Variants in CFAP47 observed in about 807,000 individuals in gnomAD.
CFAP47 encodes the protein cilia- and flagella-associated protein 47.
Under a neutral mutation model 148.1 loss-of-function variants are expected in CFAP47, and 29 were observed. The ratio of observed to expected loss-of-function variants is 0.20; its 90% CI spans 0.15 to 0.27. The LOEUF (loss-of-function observed/expected upper bound fraction) is 0.27. CFAP47 is among the 10% of genes least tolerant of loss of function. The pLI is 1.00. For synonymous variants in CFAP47, 664 were observed against 577.3 expected (o/e 1.15, Z -2.15); for missense variants, 1,872 against 1,697.5 (o/e 1.10, Z -1.81).
At chrX:36,221,373 T>C (rs1484898689) in intron 45 of CFAP47, among the ~76,000 whole-genome samples, 1 of 111,200 alleles carries the variant, frequency 9.0e-6, no homozygotes, top group Non-Finnish European at 1.9e-5. Flanking sequence ...TTTGGGGCAA[T>C]GAAAAGTATA....
At chrX:35,976,748 C>T (rs749570288) in intron 15 of CFAP47, among the ~76,000 whole-genome samples, 18 of 111,817 alleles carry the variant, frequency 1.6e-4, no homozygotes, top group Non-Finnish European at 3.2e-4. Context: ...CTAGAAATTA[C>T]TTATAGCCAA....
chrX:35,922,097 C>G (rs1482668763), intron 1 of CFAP47, among the ~76,000 whole-genome samples: 1 of 110,862 alleles, frequency 9.0e-6, no homozygotes, highest in Non-Finnish European at 1.9e-5. Context: ...TGTGTGGCCT[C>G]TGGTCTGGTC....
intron 21 of CFAP47, among the ~76,000 whole-genome samples, chrX:36,009,547 AT>A (rs1482079989): frequency 8.9e-6 from 1 of 112,292 alleles, no homozygotes; most frequent in East Asian, 2.8e-4. Context: ...CACTGCAGAA[AT>A]AGATTATCAT....
At chrX:36,321,517 T>G (rs1165164986) in intron 57 of CFAP47, among the ~76,000 whole-genome samples, 1 of 111,636 alleles carries the variant, frequency 9.0e-6, no homozygotes, top group Non-Finnish European at 1.9e-5. Context: ...TAAAAATAAC[T>G]GAAAGGGTAT....
At chrX:36,004,332 G>T (rs980788077) in intron 21 of CFAP47, among the ~76,000 whole-genome samples, 1 of 110,848 alleles carries the variant, frequency 9.0e-6, no homozygotes, top group South Asian at 3.8e-4. Context: ...AAATCAGGAA[G>T]GCAATTTAAT....
chrX:36,089,381 A>T (rs952621436), intron 30 of CFAP47, among the ~76,000 whole-genome samples: 1 of 111,893 alleles, frequency 8.9e-6, no homozygotes, highest in Non-Finnish European at 1.9e-5. Context: ...AAAAATAAAA[A>T]AAAGGAAAAA....
At chrX:35,934,508 A>G (rs1219874398) in intron 2 of CFAP47, among the ~76,000 whole-genome samples, 1 of 109,946 alleles carries the variant, frequency 9.1e-6, no homozygotes, top group Non-Finnish European at 1.9e-5. Context: ...CCAAGAGTTA[A>G]GGCCTGGAAT....
chrX:36,076,530 T>C (rs1937860750), intron 29 of CFAP47, among the ~76,000 whole-genome samples: 1 of 110,919 alleles, frequency 9.0e-6, no homozygotes, highest in African/African-American at 3.3e-5. Context: ...GCCAGTTATA[T>C]ATCTCCTTTT....
At chrX:36,203,261 C>A (rs782145227) in intron 44 of CFAP47, among the ~76,000 whole-genome samples, 1 of 112,001 alleles carries the variant, frequency 8.9e-6, no homozygotes. Flanking sequence ...GGTTTATGTT[C>A]AACTTTCAGT....
chrX:36,070,914 C>T (rs1231601106), intron 27 of CFAP47, among the ~76,000 whole-genome samples: 5 of 112,014 alleles, frequency 4.5e-5, no homozygotes, highest in African/African-American at 1.6e-4. Flanking sequence ...CTACCCTTTC[C>T]CTAGAAATTT....
At chrX:36,165,106 G>A (rs1939474405) in intron 39 of CFAP47, among the ~76,000 whole-genome samples, 1 of 111,675 alleles carries the variant, frequency 9.0e-6, no homozygotes, top group African/African-American at 3.2e-5. Context: ...GTTCATCCAC[G>A]TTGTTACAGA....
At position 36,364,438 on chromosome X, in the gene CFAP47, TAATAAATAAATA is replaced by T. The variant is rs56972655; in HGVS notation, c.9024-2497_9024-2486del. On this transcript the variant is annotated intron_variant, in intron 61 of 63. Transcript: ENST00000378653. ...CAAGAAAGTAAATTTCAGATTGTCC[TAATAAATAAATA>T]AATAAATAAATAAATAAATAAATAA... Among the ~76,000 whole-genome samples, 56 of 99,121 alleles carry T rather than the reference TAATAAATAAATA, an allele frequency of 5.6e-4. 1 individual carries two copies. The highest frequency in any genetic ancestry group is 5.3e-3 in the Middle Eastern group (1 of 190). 86.1% of individuals were successfully genotyped at this position (99,121 alleles called of 115,157 possible). A position where few individuals can be genotyped will look rare whatever the true frequency, so the allele number is the denominator to read the frequency against.
At chrX:36,252,281 G>A (rs1368008958) in intron 49 of CFAP47, among the ~76,000 whole-genome samples, 1 of 108,994 alleles carries the variant, frequency 9.2e-6, no homozygotes, top group African/African-American at 3.3e-5. Flanking sequence ...TTTGAGGGAA[G>A]GGTTTATATC....
At chrX:36,373,512 TG>T (rs781845260) in intron 62 of CFAP47, among the ~76,000 whole-genome samples, 24 of 111,167 alleles carry the variant, frequency 2.2e-4, no homozygotes, top group Non-Finnish European at 3.8e-4. Context: ...ACACACCCTC[TG>T]CAGATAGGGA....
At chrX:36,041,925 C>CAAAAAAAAAAAAAAAAAAAAAAAAAAA (rs61099689) in intron 25 of CFAP47, among the ~76,000 whole-genome samples, 1 of 30,590 alleles carries the variant, frequency 3.3e-5, no homozygotes, top group African/African-American at 9.7e-5. Flanking sequence ...GACTCCATCT[C>CAAAAAAAAAAAAAAAAAAAAAAAAAAA]AAAAAAAAAA....
At chrX:36,356,316 C>T (rs1407557495) in intron 60 of CFAP47, among the ~76,000 whole-genome samples, 2 of 111,712 alleles carry the variant, frequency 1.8e-5, no homozygotes, top group Non-Finnish European at 3.8e-5. Context: ...TCAACAAGCT[C>T]ATTCATATTT....
chrX:35,985,610 C>T (rs1251146850), intron 15 of CFAP47, among the ~76,000 whole-genome samples: 1 of 111,095 alleles, frequency 9.0e-6, no homozygotes, highest in African/African-American at 3.3e-5. Flanking sequence ...CCAGGAAGCA[C>T]CCTGGTTGGG....
chrX:36,082,622 A>G (rs1230438675), intron 29 of CFAP47, among the ~76,000 whole-genome samples: 1 of 111,404 alleles, frequency 9.0e-6, no homozygotes, highest in East Asian at 2.8e-4. Flanking sequence ...CCACTCTAGC[A>G]TGAAGCTTCC....
At chrX:36,186,761 G>T (rs2146872694) in intron 40 of CFAP47, among the ~76,000 whole-genome samples, 1 of 110,965 alleles carries the variant, frequency 9.0e-6, no homozygotes, top group South Asian at 3.8e-4. Flanking sequence ...AGAGGAAAAA[G>T]AAATATTACC....
Sources: allele counts gnomAD v4.1 joint callset (sites outside exome capture counted in the v4.1 genomes callset), GRCh38; gene constraint gnomAD v4.1.1; transcripts MANE v1.5; gene names NCBI Gene and HGNC (gene_info 2026-07-23, HGNC 2026-07-21).